POFUT1: variants seen among roughly 807,000 people sequenced by gnomAD.
POFUT1 encodes GDP-fucose protein O-fucosyltransferase 1.
POFUT1 carries 16 observed loss-of-function variants against 42.4 expected under a neutral mutation model. The ratio of observed to expected loss-of-function variants is 0.38; its 90% confidence interval spans 0.26 to 0.57. The LOEUF is 0.57. Among genes scored for constraint, POFUT1 ranks in the 20% least tolerant of loss-of-function variants. The pLI is 0.71. For synonymous variants in POFUT1, 206 were observed against 205.4 expected (o/e 1.00, Z -0.03); for missense variants, 470 against 504.6 (o/e 0.93, Z 0.66).
rs1389920220 is a variant in POFUT1, at chr20:32,207,988, T to A, written c.47T>A (p.Leu16Gln). The change falls in exon 1 of 7, where the codon CTG (leucine) becomes CAG (glutamine). Residue 16 changes from leucine (L) to glutamine (Q), a missense_variant. By Grantham distance (113) the Leu-to-Gln change is moderately radical. Transcript: ENST00000375749. The part of the protein sequence containing the change: ...WARPLSVSFL[L>Q]LLLPLPGMPA... The stretch of plus-strand genomic sequence containing the variant: ...CGGCCGCTGAGCGTGTCTTTCCTGC[T>A]GCTGCTTCTGCCGCTCCCGGGGATG... 1.3e-6 allele frequency: 2 copies of A among 1,594,320 alleles called. No homozygotes were observed. The highest frequency in any genetic ancestry group is 2.3e-5 in the East Asian group (1 of 44,252).
At chr20:32,219,307 A>G (rs1166784676) in intron 4 of POFUT1, among the ~76,000 whole-genome samples, 2 of 152,172 alleles carry the variant, frequency 1.3e-5, no homozygotes, top group Admixed American at 1.3e-4. Context: ...GATGAGAAGG[A>G]GCCAGTTGTG....
At position 32,232,822 on chromosome 20, in the gene POFUT1, C is replaced by T. The variant is rs2047450020; in HGVS notation, c.979-1651C>T. Among the ~76,000 whole-genome samples the T allele has an allele frequency of 2.6e-5, 4 of 152,138 alleles. No individual in the cohort carries two copies. The South Asian group carries it at 8.3e-4, about 32-fold the overall frequency. ...TCCCTATGCCAGTCTTCTCATCCCT[C>T]CCCACCCCTCAACTCCCTTCTCCAT... On this transcript the variant is annotated intron_variant, in intron 6 of 6. Transcript: ENST00000375749.
At position 32,238,130 on chromosome 20, in the gene POFUT1, T is replaced by A. The variant is rs2047482366; in HGVS notation, c.*3469T>A. ...AATTTAGGCCAAGTGTGGTGGCTCA[T>A]GCCTGTAATCCCAGCACTTTGCGAG... is the stretch of plus-strand genomic sequence containing the variant. On this transcript the variant is annotated 3_prime_UTR_variant, in exon 7 of 7. Transcript: ENST00000375749. The A allele has an allele frequency of 1.4e-5, 4 of 293,338 alleles. No homozygotes were observed. Among genetic ancestry groups the A allele is most frequent in the South Asian group, 1.3e-4 (4 of 31,538 alleles). 18.2% of individuals were successfully genotyped at this position (293,338 alleles called of 1,614,324 possible).
intron 4 of POFUT1, chr20:32,222,608 C>T: frequency 1.0e-6 from 1 of 985,352 alleles, no homozygotes; most frequent in Non-Finnish European, 1.2e-6. Context: ...GTATGTTTGG[C>T]TGATAAGAAG....
intron 4 of POFUT1, chr20:32,217,516 G>A: frequency 1.0e-6 from 1 of 988,166 alleles, no homozygotes; most frequent in Non-Finnish European, 1.2e-6. Flanking sequence ...GGAGGCCAAG[G>A]TGGGTGGATC....
chr20:32,209,546 A>AT (rs1319105435), intron 1 of POFUT1, among the ~76,000 whole-genome samples: 3 of 152,236 alleles, frequency 2.0e-5, no homozygotes, highest in Non-Finnish European at 4.4e-5. Flanking sequence ...AAGAAAAGGA[A>AT]TCACACAGGG....
chr20:32,228,570 G>A, intron 5 of POFUT1, 115 bp downstream of exon 5: 2 of 876,866 alleles, frequency 2.3e-6, no homozygotes, highest in East Asian at 5.4e-5. Context: ...CACTTGTTCT[G>A]GTTCGTGGGA....
chr20:32,210,531 G>C (rs2047322245), intron 2 of POFUT1, among the ~76,000 whole-genome samples: 1 of 152,206 alleles, frequency 6.6e-6, no homozygotes, highest in South Asian at 2.1e-4. Context: ...CCTGTGACTT[G>C]AACCTAAAGC....
intron 4 of POFUT1, among the ~76,000 whole-genome samples, chr20:32,225,354 A>AT (rs2047409476): frequency 6.6e-6 from 1 of 151,878 alleles, no homozygotes; most frequent in African/African-American, 2.4e-5. Context: ...CGTGTGGCTA[A>AT]TTTTTTGTAT....
In POFUT1 at chr20:32,208,082, C is replaced by A. The variant is rs998786783; in HGVS notation, c.124+17C>A. On this transcript the variant is annotated intron_variant, in intron 1 of 6. Transcript: ENST00000375749. ...CCTGCATGGGTAAGGCCTCCCAAGC[C>A]CTCTGCTCAGATGGAGAAACTGAGG... 4.5e-6 allele frequency: 7 copies of A among 1,540,526 alleles called. No individual in the cohort carries two copies. The highest frequency in any genetic ancestry group is 6.1e-6 in the Non-Finnish European group (7 of 1,147,372).
chr20:32,210,740 C>T (rs2047323420), intron 2 of POFUT1, among the ~76,000 whole-genome samples: 1 of 152,196 alleles, frequency 6.6e-6, no homozygotes, highest in African/African-American at 2.4e-5. Flanking sequence ...TGCTCACCGG[C>T]CCCCAGTTCC....
At position 32,217,009 on chromosome 20, in the gene POFUT1, C is replaced by T. The variant is rs767589486; in HGVS notation, c.542+288C>T. The T allele has an allele frequency of 2.9e-5, 47 of 1,613,404 alleles. No individual in the cohort carries two copies. Among genetic ancestry groups the T allele is most frequent in the Non-Finnish European group, 3.8e-5 (45 of 1,179,668 alleles). On this transcript the variant is annotated intron_variant, in intron 4 of 6. Transcript: ENST00000375749. Reference sequence around the variant, plus strand: ...ATGAGTCTCAATTTCCTCCTCTAGGCGTGAGAATCACTCCTGTGTTACCTT... The same window carrying T: ...ATGAGTCTCAATTTCCTCCTCTAGGTGTGAGAATCACTCCTGTGTTACCTT...
At position 32,210,289 on chromosome 20, in the gene POFUT1, CCT is replaced by C. The variant is rs1600382701; in HGVS notation, c.246+100_246+101del. ...AGTCCTCTGGGCTTTACCTCCCACT[CCT>C]CTGAGATTTCCCTACCTCCAGCCAG... On this transcript the variant is annotated intron_variant, in intron 2 of 6. Transcript: ENST00000375749. 2.8e-5 allele frequency: 35 copies of C among 1,256,276 alleles called. No individual in the cohort carries two copies. In the East Asian group the frequency reaches 7.9e-4, roughly 28 times the overall value. The allele number at this position is 1,256,276 out of a possible 1,614,324, so 77.8% of individuals were successfully genotyped here.
At chr20:32,216,307 C>G (rs969623375) in intron 3 of POFUT1, among the ~76,000 whole-genome samples, 3 of 152,192 alleles carry the variant, frequency 2.0e-5, no homozygotes, top group Admixed American at 6.5e-5. Flanking sequence ...TCTTGAAGCT[C>G]TAGTCCTTGG....
rs1284160718 is a variant in POFUT1, at chr20:32,207,954, G to C, written c.13G>C (p.Ala5Pro). The C allele has an allele frequency of 4.4e-6, 7 of 1,589,104 alleles. No individual in the cohort carries two copies. Among genetic ancestry groups the C allele is most frequent in the Middle Eastern group, 1.9e-4 (1 of 5,348 alleles). MGAAAWARPLSVSFL... is the reference protein window; with the variant it reads MGAAPWARPLSVSFL... ...TTCCCGGGCCGACATGGGCGCCGCCGCGTGGGCACGGCCGCTGAGCGTGTC... is the reference window on the plus strand; with the variant it reads ...TTCCCGGGCCGACATGGGCGCCGCCCCGTGGGCACGGCCGCTGAGCGTGTC... Residue 5 changes from alanine (A) to proline (P), a missense_variant, in exon 1 of 7, where the codon GCG (alanine) becomes CCG (proline). Transcript: ENST00000375749.
chr20:32,211,234 T>C (rs1439822592), intron 2 of POFUT1, among the ~76,000 whole-genome samples: 2 of 152,124 alleles, frequency 1.3e-5, no homozygotes, highest in African/African-American at 4.8e-5. Context: ...CCTAGAGTCC[T>C]CAGTTAATGG....
chr20:32,229,363 C>T (rs1023363886), intron 5 of POFUT1, among the ~76,000 whole-genome samples: 2 of 152,142 alleles, frequency 1.3e-5, no homozygotes, highest in African/African-American at 4.8e-5. Flanking sequence ...CAACACAAAA[C>T]ACGTAAAAAT....
rs1196384225 is a variant in POFUT1, at chr20:32,217,810, G to A, written c.542+1089G>A. On this transcript the variant is annotated intron_variant, in intron 4 of 6. Coordinates refer to ENST00000375749, the MANE Select transcript of POFUT1 (RefSeq NM_015352.2). ...TATTATTATCAATTTCCATTTTATA[G>A]GTGAGGAAACTGAGCCCAGTGAAGT... 3 of 921,080 alleles carry A rather than the reference G, an allele frequency of 3.3e-6. No homozygotes were observed. The African/African-American group carries it at 5.4e-5, about 16-fold the overall frequency. The allele number at this position is 921,080 out of a possible 1,614,324, so 57.1% of individuals were successfully genotyped here.
chr20:32,210,393 C>T (rs925379557), intron 2 of POFUT1, among the ~76,000 whole-genome samples: 2 of 152,218 alleles, frequency 1.3e-5, no homozygotes, highest in African/African-American at 4.8e-5. Context: ...TGAGAATTAG[C>T]TCATTTCACC....
Sources: gnomAD v4.1 joint callset for allele counts (sites outside exome capture counted in the v4.1 genomes callset) on GRCh38, gnomAD v4.1.1 for gene constraint, MANE v1.5 for transcripts, NCBI Gene and HGNC (gene_info 2026-07-23, HGNC 2026-07-21) for gene names.